ELAPOR2: variants seen among roughly 807,000 people sequenced by gnomAD.
ELAPOR2 encodes endosome/lysosome-associated apoptosis and autophagy regulator family member 2.
Under a neutral mutation model 120.7 loss-of-function variants are expected in ELAPOR2, and 89 were observed. That is an observed-to-expected ratio of 0.74 (90% CI 0.62 to 0.88). ELAPOR2 has a LOEUF of 0.88. ELAPOR2 is among the 40% of genes least tolerant of loss of function. The pLI, the probability that ELAPOR2 is intolerant of heterozygous loss-of-function variation, is 0.00. For synonymous variants in ELAPOR2, 444 were observed against 444.9 expected (o/e 1.00, Z 0.03); for missense variants, 1,134 against 1,251.6 (o/e 0.91, Z 1.42).
At chr7:86,947,949 AT>A in intron 2 of ELAPOR2, 27 bp from the exon 3 acceptor site, 2 of 1,480,302 alleles carry the variant, frequency 1.4e-6, no homozygotes, top group Non-Finnish European at 1.8e-6. Context: ...TGGACAACCC[AT>A]TACTTACCCT....
chr7:87,053,621 G>T (rs1795180059), intron 1 of ELAPOR2, among the ~76,000 whole-genome samples: 1 of 152,142 alleles, frequency 6.6e-6, no homozygotes, highest in South Asian at 2.1e-4. Context: ...GGGGTGGGGG[G>T]CTGTGCGTGC....
At chr7:87,054,580 G>A (rs965421874) in intron 1 of ELAPOR2, among the ~76,000 whole-genome samples, 4 of 152,102 alleles carry the variant, frequency 2.6e-5, no homozygotes, top group Admixed American at 2.6e-4. Flanking sequence ...TGGCCTTCAG[G>A]GACTTCCTAC....
intron 8 of ELAPOR2, among the ~76,000 whole-genome samples, chr7:86,936,624 C>T (rs1167478541): frequency 6.6e-6 from 1 of 152,076 alleles, no homozygotes; most frequent in African/African-American, 2.4e-5. Flanking sequence ...TCAAATTTCA[C>T]TCAGACACAA....
intron 2 of ELAPOR2, among the ~76,000 whole-genome samples, chr7:86,963,682 A>T (rs1270370799): frequency 6.6e-6 from 1 of 152,200 alleles, no homozygotes; most frequent in Non-Finnish European, 1.5e-5. Context: ...ACTGAAGCAA[A>T]TTTACAGTGG....
intron 1 of ELAPOR2, among the ~76,000 whole-genome samples, chr7:87,047,513 G>A (rs934952282): frequency 6.6e-6 from 1 of 152,162 alleles, no homozygotes; most frequent in Non-Finnish European, 1.5e-5. Context: ...CAAAAAATGG[G>A]CAAAGGATTT....
At chr7:86,932,386 A>C (rs574508448) in intron 8 of ELAPOR2, among the ~76,000 whole-genome samples, 1 of 151,900 alleles carries the variant, frequency 6.6e-6, no homozygotes, top group Non-Finnish European at 1.5e-5. Context: ...GCTCCCATCC[A>C]ATTTCTGAAA....
intron 1 of ELAPOR2, among the ~76,000 whole-genome samples, chr7:87,024,095 A>G (rs1053060224): frequency 4.6e-5 from 7 of 152,116 alleles, no homozygotes; most frequent in South Asian, 2.1e-4. Context: ...AGAACTTCCA[A>G]CACTATGTTG....
At chr7:86,906,827 G>C (rs757056845) in intron 18 of ELAPOR2, among the ~76,000 whole-genome samples, 3 of 151,926 alleles carry the variant, frequency 2.0e-5, no homozygotes, top group Non-Finnish European at 4.4e-5. Context: ...CTAGGAGTTT[G>C]AGACCAGCTT....
At chr7:86,955,012 AATTATC>A (rs1168607155) in intron 2 of ELAPOR2, among the ~76,000 whole-genome samples, 2 of 152,130 alleles carry the variant, frequency 1.3e-5, no homozygotes, top group Non-Finnish European at 2.9e-5. Flanking sequence ...GTAGCCAATT[AATTATC>A]ATTATCAGAT....
At chr7:87,007,094 G>T (rs1467584572) in intron 1 of ELAPOR2, among the ~76,000 whole-genome samples, 1 of 152,194 alleles carries the variant, frequency 6.6e-6, no homozygotes, top group Non-Finnish European at 1.5e-5. Context: ...AGAAAATGGA[G>T]TGTTTTGAGT....
At chr7:87,024,312 T>C (rs1357929356) in intron 1 of ELAPOR2, among the ~76,000 whole-genome samples, 2 of 152,184 alleles carry the variant, frequency 1.3e-5, no homozygotes, top group Non-Finnish European at 2.9e-5. Flanking sequence ...TCTGCATCTA[T>C]TGAGATAGTC....
chr7:86,964,342 G>A (rs1391864239), intron 2 of ELAPOR2, among the ~76,000 whole-genome samples: 1 of 151,974 alleles, frequency 6.6e-6, no homozygotes, highest in Admixed American at 6.6e-5. Context: ...TTATAATGTT[G>A]TACTTCAAAC....
At chr7:86,918,205 A>G (rs939719697) in intron 12 of ELAPOR2, among the ~76,000 whole-genome samples, 2 of 151,700 alleles carry the variant, frequency 1.3e-5, no homozygotes, top group African/African-American at 4.8e-5. Flanking sequence ...CAGTCACCCA[A>G]GCTCCCTCAC....
At position 86,889,250 on chromosome 7, in the gene ELAPOR2, TA is replaced by T. The variant is rs1358318423; in HGVS notation, c.3030+2473del. Among the ~76,000 whole-genome samples the T allele has an allele frequency of 2.6e-5, 4 of 152,050 alleles. No homozygotes were observed. In the East Asian group the frequency reaches 7.7e-4, roughly 29 times the overall value. On this transcript the variant is annotated intron_variant, in intron 21 of 21. Transcript: ENST00000450689. ...GTGCAATCACTAATATATCCTGTAGTACCTGGATTAATGTATCTGGATTGTC... is the reference window on the plus strand; with the variant it reads ...GTGCAATCACTAATATATCCTGTAGTCCTGGATTAATGTATCTGGATTGTC...
Position 86,938,803 on chromosome 7 carries a change from T to C in ELAPOR2, c.1000+5A>G. On this transcript the variant is annotated splice_donor_5th_base_variant and intron_variant, in intron 7 of 21. Coordinates refer to ENST00000450689, the MANE Select transcript of ELAPOR2 (RefSeq NM_001142749.3). ...AGAAAAAAGCAGAGTATAAACTAGT[T>C]CTACCTGAAAATTGAGAGTCGTCTT... 1 of 1,612,824 alleles carries C rather than the reference T, an allele frequency of 6.2e-7. No homozygotes were observed. Among genetic ancestry groups the C allele is most frequent in the Non-Finnish European group, 8.5e-7 (1 of 1,179,118 alleles).
At chr7:86,904,555 A>C (rs1788879198) in intron 18 of ELAPOR2, among the ~76,000 whole-genome samples, 1 of 152,188 alleles carries the variant, frequency 6.6e-6, no homozygotes, top group African/African-American at 2.4e-5. Context: ...TTTATCTAAA[A>C]TGTTTCATAC....
At chr7:87,009,218 C>T (rs189499218) in intron 1 of ELAPOR2, among the ~76,000 whole-genome samples, 2 of 152,046 alleles carry the variant, frequency 1.3e-5, no homozygotes, top group Non-Finnish European at 2.9e-5. Context: ...CTACAAAAAC[C>T]GTACAAAGTT....
At chr7:87,039,895 G>A (rs1427992927) in intron 1 of ELAPOR2, among the ~76,000 whole-genome samples, 5 of 152,076 alleles carry the variant, frequency 3.3e-5, no homozygotes, top group African/African-American at 1.2e-4. Flanking sequence ...GACAGAGGGC[G>A]CAGGTCAGTG....
intron 1 of ELAPOR2, among the ~76,000 whole-genome samples, chr7:87,040,779 T>C (rs987481494): frequency 2.6e-5 from 4 of 152,024 alleles, no homozygotes; most frequent in African/African-American, 7.2e-5. Flanking sequence ...CTTTGACGAG[T>C]TGAGAGAAGA....
Sources: gnomAD v4.1 joint callset for allele counts (sites outside exome capture counted in the v4.1 genomes callset) on GRCh38, gnomAD v4.1.1 for gene constraint, MANE v1.5 for transcripts, NCBI Gene and HGNC (gene_info 2026-07-23, HGNC 2026-07-21) for gene names.